CA10: variants seen among roughly 807,000 people sequenced by gnomAD.
The protein encoded by CA10 is carbonic anhydrase-related protein 10.
Under a neutral mutation model 44.2 loss-of-function variants are expected in CA10, and 14 were observed. That is an observed-to-expected ratio of 0.32 (90% CI 0.21 to 0.50). The LOEUF is 0.50. Ranked by LOEUF, CA10 falls within the 20% of genes least tolerant of loss-of-function variation. The pLI is 0.99. For synonymous variants in CA10, 159 were observed against 141.6 expected, an observed-to-expected ratio of 1.12 and a Z score of -0.87; for missense variants, 350 against 409.7, an observed-to-expected ratio of 0.85 and a Z score of 1.26.
chr17:51,669,878 C>A (rs1914352483), intron 4 of CA10, among the ~76,000 whole-genome samples: 1 of 152,212 alleles, frequency 6.6e-6, no homozygotes, highest in African/African-American at 2.4e-5. Context: ...TGTCCCCACC[C>A]AAATCTTATC....
At chr17:52,156,683 C>T (rs1989810547) in intron 1 of CA10, among the ~76,000 whole-genome samples, 12 of 152,204 alleles carry the variant, frequency 7.9e-5, no homozygotes, top group Admixed American at 7.2e-4. Flanking sequence ...CTCAAAGGGG[C>T]AATATCCTGC....
chr17:52,126,226 A>G (rs1429748717), intron 1 of CA10, among the ~76,000 whole-genome samples: 7 of 152,232 alleles, frequency 4.6e-5, no homozygotes, highest in African/African-American at 1.7e-4. Context: ...AATGGTGCTA[A>G]TAATATCTGC....
chr17:51,868,850 A>G (rs762528193), intron 3 of CA10, among the ~76,000 whole-genome samples: 1 of 151,950 alleles, frequency 6.6e-6, no homozygotes, highest in Non-Finnish European at 1.5e-5. Flanking sequence ...AAATCTTTTA[A>G]GAAAGAAATT....
chr17:52,084,182 G>A (rs1437153855), intron 1 of CA10, among the ~76,000 whole-genome samples: 5 of 152,154 alleles, frequency 3.3e-5, no homozygotes. Context: ...GGTCTTCGCT[G>A]GGACAAAGCC....
intron 2 of CA10, among the ~76,000 whole-genome samples, chr17:51,948,092 CTG>C (rs1289187876): frequency 1.3e-5 from 2 of 152,136 alleles, no homozygotes; most frequent in Non-Finnish European, 2.9e-5. Context: ...GCCAAGGAAA[CTG>C]AGCTCAACTC....
intron 3 of CA10, among the ~76,000 whole-genome samples, chr17:51,839,136 G>C (rs1978298469): frequency 6.6e-6 from 1 of 152,142 alleles, no homozygotes; most frequent in African/African-American, 2.4e-5. Context: ...TTAAGCAAAA[G>C]AAGCAACAGG....
chr17:52,101,773 G>T (rs988533671), intron 1 of CA10, among the ~76,000 whole-genome samples: 7 of 151,972 alleles, frequency 4.6e-5, no homozygotes, highest in African/African-American at 1.7e-4. Context: ...TCTTCTCAAG[G>T]GCACTTCAAA....
chr17:51,974,730 C>T (rs1398518190), intron 2 of CA10, among the ~76,000 whole-genome samples: 1 of 151,962 alleles, frequency 6.6e-6, no homozygotes, highest in African/African-American at 2.4e-5. Context: ...AGGTACATTA[C>T]ATACAAGAGA....
At chr17:51,950,768 C>T (rs914384537) in intron 2 of CA10, among the ~76,000 whole-genome samples, 2 of 152,104 alleles carry the variant, frequency 1.3e-5, no homozygotes, top group Non-Finnish European at 1.5e-5. Flanking sequence ...CTTCCCAAGA[C>T]CCTGAATGAT....
intron 3 of CA10, among the ~76,000 whole-genome samples, chr17:51,901,101 C>T (rs925256191): frequency 2.0e-5 from 3 of 152,126 alleles, no homozygotes; most frequent in South Asian, 2.1e-4. Flanking sequence ...TTTTGATTTG[C>T]CAGAGTTCTT....
At chr17:51,642,512 A>G (rs1913129129) in intron 6 of CA10, among the ~76,000 whole-genome samples, 1 of 152,238 alleles carries the variant, frequency 6.6e-6, no homozygotes, top group African/African-American at 2.4e-5. Flanking sequence ...GGTAAGACTG[A>G]AAAAGATGCT....
At chr17:51,691,971 T>C (rs1484918922) in intron 4 of CA10, among the ~76,000 whole-genome samples, 2 of 152,208 alleles carry the variant, frequency 1.3e-5, no homozygotes, top group Non-Finnish European at 2.9e-5. Context: ...AAAAGTGCTT[T>C]AGCTAATTGA....
intron 3 of CA10, among the ~76,000 whole-genome samples, chr17:51,929,174 T>C (rs1218299046): frequency 1.3e-5 from 2 of 152,110 alleles, no homozygotes; most frequent in Non-Finnish European, 2.9e-5. Flanking sequence ...CACTAGACTA[T>C]CTCCCAATCT....
chr17:51,944,354 CAGCA>C (rs576776179), intron 2 of CA10, among the ~76,000 whole-genome samples: 9 of 152,258 alleles, frequency 5.9e-5, no homozygotes, highest in African/African-American at 2.2e-4. Context: ...CAGGCACTGC[CAGCA>C]ACCAGACCCT....
At chr17:51,722,679 C>T (rs1211065397) in intron 4 of CA10, among the ~76,000 whole-genome samples, 1 of 152,118 alleles carries the variant, frequency 6.6e-6, no homozygotes, top group East Asian at 1.9e-4. Flanking sequence ...GACATTTCAA[C>T]TAGACATATT....
intron 2 of CA10, among the ~76,000 whole-genome samples, chr17:52,061,799 CCT>C (rs1236556670): frequency 6.6e-6 from 1 of 152,138 alleles, no homozygotes; most frequent in Admixed American, 6.5e-5. Context: ...AATTAAACCT[CCT>C]CTGTTTATAA....
chr17:51,755,518 A>C (rs1432199691), intron 3 of CA10, among the ~76,000 whole-genome samples: 1 of 152,194 alleles, frequency 6.6e-6, no homozygotes, highest in East Asian at 1.9e-4. Context: ...TCTGACTCAG[A>C]TCTCCTCTAA....
intron 2 of CA10, among the ~76,000 whole-genome samples, chr17:52,068,725 T>C (rs1267569544): frequency 1.3e-5 from 2 of 152,218 alleles, no homozygotes; most frequent in Admixed American, 6.5e-5. Context: ...AAGTGAGCCA[T>C]AGAAGATATG....
chr17:51,904,630 G>T (rs547455602), intron 3 of CA10, among the ~76,000 whole-genome samples: 7 of 152,210 alleles, frequency 4.6e-5, no homozygotes, highest in African/African-American at 1.7e-4. Context: ...TATGCATTTG[G>T]AAATCTTATA....
Sources: gnomAD v4.1 joint callset for allele counts (sites outside exome capture counted in the v4.1 genomes callset) on GRCh38, gnomAD v4.1.1 for gene constraint, MANE v1.5 for transcripts, NCBI Gene and HGNC (gene_info 2026-07-23, HGNC 2026-07-21) for gene names.